The following RLN2 variants were observed in gnomAD, a reference collection of about 807,000 sequenced individuals.
RLN2 encodes the protein prorelaxin H2.
In RLN2, 10 loss-of-function variants were observed where a neutral mutation model predicts 7.3. That is an observed-to-expected ratio of 1.36 (90% CI 0.84 to 2.31). The LOEUF (loss-of-function observed/expected upper bound fraction) is 2.31. RLN2 is among the 30% of genes most tolerant of loss of function. RLN2 has a pLI of 0.00. For synonymous variants in RLN2, 103 were observed against 82.3 expected (o/e 1.25, Z -1.36); for missense variants, 298 against 217.6 (o/e 1.37, Z -2.32).
the RLN2 span, among the ~76,000 whole-genome samples, chr9:5,326,222 C>A: frequency 1.3e-5 from 2 of 151,912 alleles, no homozygotes; most frequent in Non-Finnish European, 1.5e-5. Context: ...CACAAACATA[C>A]CATTATTTTG....
At chr9:5,302,047 T>C (rs183779809) in intron 1 of RLN2, among the ~76,000 whole-genome samples, 1 of 152,200 alleles carries the variant, frequency 6.6e-6, no homozygotes, top group Non-Finnish European at 1.5e-5. Flanking sequence ...TGGGGCCTTA[T>C]TAAATACTGA....
At chr9:5,316,218 C>T in the RLN2 span, among the ~76,000 whole-genome samples, 1 of 151,930 alleles carries the variant, frequency 6.6e-6, no homozygotes, top group Admixed American at 6.6e-5. Flanking sequence ...TTATCATTGA[C>T]ATATATATGT....
At chr9:5,314,903 AT>A in the RLN2 span, among the ~76,000 whole-genome samples, 3 of 150,952 alleles carry the variant, frequency 2.0e-5, no homozygotes, top group Admixed American at 2.0e-4. Context: ...CGTTTCCCAA[AT>A]TGCAGCTGTA....
upstream of RLN2, chr9:5,304,863 T>C (rs1816214533): frequency 2.2e-6 from 1 of 457,652 alleles, no homozygotes; most frequent in Non-Finnish European, 3.9e-6. Context: ...TTGGCCCTTT[T>C]ACAGTTGTGT....
the RLN2 span, among the ~76,000 whole-genome samples, chr9:5,328,911 T>C: frequency 6.6e-6 from 1 of 151,976 alleles, no homozygotes; most frequent in Admixed American, 6.6e-5. Flanking sequence ...CAGGGCTGCC[T>C]TACGAGATTT....
chr9:5,300,362 C>G lies in RLN2; in HGVS notation c.294G>C (p.Leu98=), dbSNP rs555680741. The G allele has an allele frequency of 3.3e-5, 54 of 1,613,820 alleles. No homozygotes were observed. In the Admixed American group the frequency reaches 5.8e-4, roughly 17 times the overall value. ...GCTGCATCTCAGACAGGGTTAACTT[C>G]AGCTCCTGTGGCAAATTAGCAACAA... ...SEFVANLPQE[L]KLTLSEMQPA... The change falls in exon 2 of 2, where the codon CTG becomes CTC. Residue 98 remains leucine (L), a synonymous_variant. Transcript: ENST00000381627.
Position 5,300,097 on chromosome 9 carries a change from C to G in RLN2, c.*1G>C, listed in dbSNP as rs1189228854. ...ACGAGATGTGCACAATTAGCTTCAT[C>G]TCAGCAAAATCTAGCAAGAGATCTT... On this transcript the variant is annotated 3_prime_UTR_variant, in exon 2 of 2. Transcript: ENST00000381627. The G allele has an allele frequency of 6.3e-7, 1 of 1,586,418 alleles. No individual in the cohort carries two copies. The highest frequency in any genetic ancestry group is 8.6e-7 in the Non-Finnish European group (1 of 1,167,640).
At chr9:5,329,976 C>T in the RLN2 span, among the ~76,000 whole-genome samples, 3 of 152,106 alleles carry the variant, frequency 2.0e-5, no homozygotes, top group South Asian at 2.1e-4. Context: ...AGCACCTCAT[C>T]GCATTTATTA....
chr9:5,304,662 T>C lies in RLN2; in HGVS notation c.-82A>G, dbSNP rs1292537457. 1 of 1,418,276 alleles carries C rather than the reference T, an allele frequency of 7.1e-7. No individual in the cohort carries two copies. Among genetic ancestry groups the C allele is most frequent in the Non-Finnish European group, 9.9e-7 (1 of 1,009,458 alleles). The allele number at this position is 1,418,276 out of a possible 1,614,324, so 87.9% of individuals were successfully genotyped here. A position where few individuals can be genotyped will look rare whatever the true frequency, so the allele number is the denominator to read the frequency against. ...GCTGTGGCCTACACACCTGGGCCTG[T>C]GTGCCTGTCCCGGGCTTTAGGCTGC... is the stretch of plus-strand genomic sequence containing the variant. On this transcript the variant is annotated 5_prime_UTR_variant, in exon 1 of 2. Coordinates refer to ENST00000381627, the MANE Select transcript of RLN2 (RefSeq NM_134441.3).
the RLN2 span, among the ~76,000 whole-genome samples, chr9:5,327,603 A>C: frequency 1.3e-5 from 2 of 152,042 alleles, no homozygotes; most frequent in Non-Finnish European, 2.9e-5. Context: ...CTGCCTCCTC[A>C]AGCAGGTCCC....
chr9:5,322,042 T>C, the RLN2 span, among the ~76,000 whole-genome samples: 1 of 152,078 alleles, frequency 6.6e-6, no homozygotes, highest in Non-Finnish European at 1.5e-5. Flanking sequence ...AGGAACTCTG[T>C]AGCTTGGTGC....
At chr9:5,326,053 A>G in the RLN2 span, among the ~76,000 whole-genome samples, 5 of 152,112 alleles carry the variant, frequency 3.3e-5, no homozygotes, top group Non-Finnish European at 5.9e-5. Context: ...ATTTGTAATT[A>G]TGGCATGTAT....
In RLN2 at chr9:5,299,932, T is replaced by A. The variant is rs572540621; in HGVS notation, c.*166A>T. The A allele has an allele frequency of 1.0e-4, 47 of 450,672 alleles. No individual in the cohort carries two copies. Among genetic ancestry groups the A allele is most frequent in the Non-Finnish European group, 1.4e-4 (35 of 258,888 alleles). 27.9% of individuals were successfully genotyped at this position (450,672 alleles called of 1,614,324 possible). A position where few individuals can be genotyped will look rare whatever the true frequency, so the allele number is the denominator to read the frequency against. On this transcript the variant is annotated 3_prime_UTR_variant, in exon 2 of 2. Transcript: ENST00000381627. Reference sequence around the variant, plus strand: ...TTCTTACACATCAAATAAAAAAATCTAAACATCAACAAAGATGTTTAGATA... The same window carrying A: ...TTCTTACACATCAAATAAAAAAATCAAAACATCAACAAAGATGTTTAGATA...
chr9:5,305,702 G>C (rs1308173077), upstream of RLN2, among the ~76,000 whole-genome samples: 2 of 151,966 alleles, frequency 1.3e-5, no homozygotes, highest in African/African-American at 4.8e-5. Context: ...ACTCAGATTA[G>C]TTCAGCTCCA....
the RLN2 span, among the ~76,000 whole-genome samples, chr9:5,331,974 T>C: frequency 6.6e-6 from 1 of 152,050 alleles, no homozygotes; most frequent in Non-Finnish European, 1.5e-5. Flanking sequence ...TATGCAAATG[T>C]ATACAAGTAT....
the RLN2 span, among the ~76,000 whole-genome samples, chr9:5,337,604 C>T: frequency 6.6e-6 from 1 of 151,896 alleles, no homozygotes; most frequent in Non-Finnish European, 1.5e-5. Context: ...AAGCAAGTAG[C>T]AATTACCTAA....
the RLN2 span, among the ~76,000 whole-genome samples, chr9:5,319,600 T>A: frequency 6.6e-6 from 1 of 152,054 alleles, no homozygotes; most frequent in East Asian, 1.9e-4. Flanking sequence ...CGATATATGC[T>A]ATAAATATAT....
chr9:5,310,557 T>C, the RLN2 span, among the ~76,000 whole-genome samples: 6 of 152,046 alleles, frequency 3.9e-5, no homozygotes, highest in Non-Finnish European at 7.4e-5. Context: ...CCATTCCCCA[T>C]AGTGCATAGC....
At chr9:5,319,299 G>A in the RLN2 span, among the ~76,000 whole-genome samples, 17 of 152,042 alleles carry the variant, frequency 1.1e-4, no homozygotes, top group Non-Finnish European at 2.2e-4. Flanking sequence ...GGGTGAGCAG[G>A]GAAGGCAGAG....
Sources: allele counts gnomAD v4.1 joint callset (sites outside exome capture counted in the v4.1 genomes callset), GRCh38; gene constraint gnomAD v4.1.1; transcripts MANE v1.5; gene names NCBI Gene and HGNC (gene_info 2026-07-23, HGNC 2026-07-21).